WDR72: variants seen among roughly 807,000 people sequenced by gnomAD.
WDR72 encodes the protein WD repeat domain 72.
In WDR72, 120 loss-of-function variants were observed where a neutral mutation model predicts 124.2. The observed-to-expected ratio is 0.97, with a 90% CI of 0.83 to 1.12. The LOEUF (loss-of-function observed/expected upper bound fraction) is 1.12. WDR72 is among the 50% of genes most tolerant of loss of function. The probability of loss-of-function intolerance (pLI) is 0.00; values close to 1 mark genes in which losing one functional copy is unlikely to be tolerated. For missense variants in WDR72, 1,387 were observed against 1,278.8 expected, an observed-to-expected ratio of 1.08 and a Z score of -1.29; for synonymous variants, 452 against 441.7, an observed-to-expected ratio of 1.02 and a Z score of -0.29.
intron 14 of WDR72, among the ~76,000 whole-genome samples, chr15:53,629,168 A>G (rs961501016): frequency 6.6e-6 from 1 of 151,410 alleles, no homozygotes; most frequent in Non-Finnish European, 1.5e-5. Flanking sequence ...CCAACAGACA[A>G]TATCAGCTGA....
At chr15:53,605,069 C>G (rs1211688428) in intron 17 of WDR72, among the ~76,000 whole-genome samples, 1 of 152,072 alleles carries the variant, frequency 6.6e-6, no homozygotes. Context: ...TTCACAATAA[C>G]AAAGACATGG....
At chr15:53,733,583 C>T (rs2018266685) in intron 1 of WDR72, among the ~76,000 whole-genome samples, 3 of 152,068 alleles carry the variant, frequency 2.0e-5, no homozygotes, top group Admixed American at 2.0e-4. Flanking sequence ...GTAATAAATA[C>T]CTGAAATTGG....
rs182635030 is a variant in WDR72 at position 53,686,529 on chromosome 15, C to G, written c.1765+13221G>C. 3.3e-3 allele frequency among the ~76,000 whole-genome samples: 498 copies of G among 152,034 alleles called. 3 individuals are homozygous for G. The highest frequency in any genetic ancestry group is 4.4e-3 in the Non-Finnish European group (299 of 68,022). ...GAGCTAACTATCCTAAATATATATGCACTCAACACAAGAGCACCCAGATTC... is the reference window on the plus strand; with the variant it reads ...GAGCTAACTATCCTAAATATATATGGACTCAACACAAGAGCACCCAGATTC... On this transcript the variant is annotated intron_variant, in intron 13 of 19. Coordinates refer to ENST00000360509, the MANE Select transcript of WDR72 (RefSeq NM_182758.4).
At chr15:53,732,967 T>A (rs746216424) in intron 2 of WDR72, 30 bp downstream of exon 2, 5 of 1,613,888 alleles carry the variant, frequency 3.1e-6, no homozygotes, top group Non-Finnish European at 4.2e-6. Context: ...GTGAGTGGTG[T>A]CTGTTTCAAT....
chr15:53,736,437 A>G (rs943321496), intron 1 of WDR72, among the ~76,000 whole-genome samples: 2 of 152,210 alleles, frequency 1.3e-5, no homozygotes, highest in Non-Finnish European at 2.9e-5. Context: ...CAAGTGAGAA[A>G]GGAGCTCACA....
intron 2 of WDR72, among the ~76,000 whole-genome samples, chr15:53,730,189 A>T (rs2018161182): frequency 6.6e-6 from 1 of 152,200 alleles, no homozygotes; most frequent in African/African-American, 2.4e-5. Flanking sequence ...TTCAAACTTA[A>T]GAAGAAAGGA....
In WDR72 at chr15:53,707,423, A is replaced by G. The variant is rs929600403; in HGVS notation, c.955-1349T>C. ...CCAAGAAATAAGAGCATCACAGAAAATGGTTCCAATAAAGTCAGTTTCTAA... is the reference window on the plus strand; with the variant it reads ...CCAAGAAATAAGAGCATCACAGAAAGTGGTTCCAATAAAGTCAGTTTCTAA... On this transcript the variant is annotated intron_variant, in intron 9 of 19. Transcript: ENST00000360509. 6.1e-5 allele frequency among the ~76,000 whole-genome samples: 9 copies of G among 148,556 alleles called. No individual in the cohort carries two copies. The South Asian group carries it at 1.3e-3, about 22-fold the overall frequency.
At chr15:53,623,885 G>T (rs1475201388) in intron 14 of WDR72, among the ~76,000 whole-genome samples, 1 of 152,124 alleles carries the variant, frequency 6.6e-6, no homozygotes, top group African/African-American at 2.4e-5. Context: ...ATCCTGACTG[G>T]CATGAGATGG....
Position 53,711,355 on chromosome 15 carries a change from T to G in WDR72, c.838A>C (p.Ile280Leu). The G allele has an allele frequency of 6.2e-7, 1 of 1,614,182 alleles. No individual in the cohort carries two copies. The highest frequency in any genetic ancestry group is 2.2e-5 in the East Asian group (1 of 44,886). Residue 280 changes from isoleucine to leucine, a missense_variant, in exon 8 of 20, where the codon ATC becomes CTC. Ile to Leu is a conservative substitution (Grantham distance 5, BLOSUM62 2). Coordinates refer to ENST00000360509, the MANE Select transcript of WDR72 (RefSeq NM_182758.4). ...GCCCACCTGTTCAGCAGCTGATAGATGTAACTGTGACCATCTTCTGTCCAG... is the reference window on the plus strand; with the variant it reads ...GCCCACCTGTTCAGCAGCTGATAGAGGTAACTGTGACCATCTTCTGTCCAG... ...LIWTEDGHSY[I>L]YQLLNSGLSK...
chr15:53,538,059 T>C (rs1595741356), intron 18 of WDR72, among the ~76,000 whole-genome samples: 1 of 152,162 alleles, frequency 6.6e-6, no homozygotes. Context: ...CCAGATAACA[T>C]AGAACCTCAT....
At chr15:53,660,970 T>C (rs2015588942) in intron 14 of WDR72, among the ~76,000 whole-genome samples, 1 of 152,170 alleles carries the variant, frequency 6.6e-6, no homozygotes, top group East Asian at 1.9e-4. Flanking sequence ...CCAAGTCCAG[T>C]AGACTGTCTA....
chr15:53,612,793 G>T (rs557344123), intron 16 of WDR72, among the ~76,000 whole-genome samples: 1 of 152,120 alleles, frequency 6.6e-6, no homozygotes, highest in Admixed American at 6.6e-5. Context: ...AATCATTCTG[G>T]CTGCTTGGGT....
intron 1 of WDR72, among the ~76,000 whole-genome samples, chr15:53,750,634 G>T (rs2018751582): frequency 6.6e-6 from 1 of 152,170 alleles, no homozygotes; most frequent in South Asian, 2.1e-4. Context: ...AAAGTCAATT[G>T]AAAACTTTCT....
intron 18 of WDR72, among the ~76,000 whole-genome samples, chr15:53,534,226 T>C (rs1007338432): frequency 2.0e-5 from 3 of 152,124 alleles, no homozygotes; most frequent in Non-Finnish European, 4.4e-5. Flanking sequence ...GACAGCTAAC[T>C]TCCAGGTAGT....
chr15:53,577,204 T>G (rs1265751935), intron 18 of WDR72, among the ~76,000 whole-genome samples: 1 of 152,230 alleles, frequency 6.6e-6, no homozygotes, highest in East Asian at 1.9e-4. Context: ...GAAGAACTTC[T>G]GCACTGTAAA....
rs1893622723 is a variant in WDR72, at chr15:53,549,244, CAAGT to C, written c.3149-25926_3149-25923del. On this transcript the variant is annotated intron_variant, in intron 18 of 19. Transcript: ENST00000360509. ...GGTCTGACAGGCAAGAGACATTGAA[CAAGT>C]AATTACAGTCGCATGTGATGAATGT... Among the ~76,000 whole-genome samples the C allele has an allele frequency of 2.0e-5, 3 of 152,258 alleles. No homozygotes were observed. The South Asian group carries it at 6.2e-4, about 32-fold the overall frequency.
chr15:53,544,745 C>T (rs1351470155), intron 18 of WDR72, among the ~76,000 whole-genome samples: 73 of 149,604 alleles, frequency 4.9e-4, no homozygotes, highest in Non-Finnish European at 8.4e-4. Context: ...GACGACATGA[C>T]TGTATATCTA....
At chr15:53,644,804 T>A (rs1353395982) in intron 14 of WDR72, among the ~76,000 whole-genome samples, 1 of 152,060 alleles carries the variant, frequency 6.6e-6, no homozygotes, top group Non-Finnish European at 1.5e-5. Context: ...GGAGAAAGCC[T>A]TCAATCTGCA....
Position 53,615,817 on chromosome 15 carries a change from A to T in WDR72, c.2389T>A (p.Leu797Met), listed in dbSNP as rs1414558946. ...CATGGCAAAAGGCAAGACAGAAACA[A>T]TTTTGCTGTGTCTATTGTGAGACTG... Reference protein sequence around the residue: ...DASLTIDTAKLFLSCLLPWGV... With the variant: ...DASLTIDTAKMFLSCLLPWGV... The change falls in exon 15 of 20, where the codon TTG becomes ATG. Residue 797 changes from leucine to methionine, a missense_variant. Physicochemically the swap from Leu to Met is conservative, Grantham distance 15. Coordinates refer to ENST00000360509, the MANE Select transcript of WDR72 (RefSeq NM_182758.4). 17 of 1,613,428 alleles carry T rather than the reference A, an allele frequency of 1.1e-5. No individual in the cohort carries two copies. The East Asian group carries it at 3.6e-4, about 34-fold the overall frequency.
Sources: allele counts gnomAD v4.1 joint callset (sites outside exome capture counted in the v4.1 genomes callset), GRCh38; gene constraint gnomAD v4.1.1; transcripts MANE v1.5; gene names NCBI Gene and HGNC (gene_info 2026-07-23, HGNC 2026-07-21).